Variants in HOXA3 observed in about 807,000 individuals in gnomAD.
The protein encoded by HOXA3 is homeobox A3.
HOXA3 carries 8 observed loss-of-function variants against 30.3 expected under a neutral mutation model. The observed-to-expected ratio is 0.26, with a 90% CI of 0.15 to 0.48. The LOEUF (loss-of-function observed/expected upper bound fraction) is 0.48. Among genes scored for constraint, HOXA3 ranks in the 20% least tolerant of loss-of-function variants. The probability of loss-of-function intolerance (pLI) is 0.99; values close to 1 mark genes in which losing one functional copy is unlikely to be tolerated. For synonymous variants in HOXA3, 323 were observed against 273.1 expected, an observed-to-expected ratio of 1.18 and a Z score of -1.80; for missense variants, 653 against 614.4, an observed-to-expected ratio of 1.06 and a Z score of -0.66.
At chr7:27,124,852 G>A (rs547889531) in intron 3 of HOXA3, among the ~76,000 whole-genome samples, 2 of 152,252 alleles carry the variant, frequency 1.3e-5, no homozygotes, top group South Asian at 4.2e-4. Context: ...CACCACCATG[G>A]AAATAGCAGG....
rs1488723579 is a variant in HOXA3, at chr7:27,107,998, G to A, written c.1249C>T (p.Pro417Ser). 6.2e-7 allele frequency: 1 copy of A among 1,611,800 alleles called. No individual in the cohort carries two copies. The highest frequency in any genetic ancestry group is 8.5e-7 in the Non-Finnish European group (1 of 1,178,514). The stretch of plus-strand genomic sequence containing the variant: ...GTAAGGTCCGTGTAGGTGGGGTGCG[G>A]CTCCCCAGGCCCCGGCCCGTGGTGG... ...GHHHGPGPGE[P>S]HPTYTDLTGH... Residue 417 changes from proline to serine, a missense_variant, in exon 6 of 6, where the codon CCG (proline) becomes TCG (serine). Physicochemically the swap from Pro to Ser is moderately conservative, Grantham distance 74 (BLOSUM62 -1). This residue lies in a region of HOXA3 where 330 missense variants were observed against 274.4 expected (regional missense o/e 1.20). Transcript: ENST00000612286.
intron 1 of HOXA3, chr7:27,141,113 C>CAAAAAAAAAAAAAA (rs147485948): frequency 4.6e-4 from 38 of 82,910 alleles, no homozygotes; most frequent in African/African-American, 1.1e-3. Context: ...AAAACAAATA[C>CAAAAAAAAAAAAAA]AAAAAAAAAA....
chr7:27,122,759 C>T (rs926856027), intron 3 of HOXA3, 117 bp from the exon 4 acceptor site: 2 of 152,312 alleles, frequency 1.3e-5, no homozygotes, highest in Admixed American at 1.3e-4. Flanking sequence ...GTGACGCGAA[C>T]ATCAGGGAGT....
In HOXA3 at chr7:27,108,785, C is replaced by T; in HGVS notation, c.527-65G>A. The T allele has an allele frequency of 7.8e-7, 1 of 1,289,284 alleles. No individual in the cohort carries two copies. The highest frequency in any genetic ancestry group is 1.1e-6 in the Non-Finnish European group (1 of 948,054). 79.9% of individuals were successfully genotyped at this position (1,289,284 alleles called of 1,614,324 possible). A position where few individuals can be genotyped will look rare whatever the true frequency, so the allele number is the denominator to read the frequency against. On this transcript the variant is annotated intron_variant, in intron 5 of 5. Coordinates refer to ENST00000612286, the MANE Select transcript of HOXA3 (RefSeq NM_153631.3). The surrounding 1 kb of genome is among the most constrained non-coding windows in gnomAD (Gnocchi z 5.0). ...CCGCGGCCCCGCCCAGCCCCTGACC[C>T]AGCCCGGCCCCTCCTTCCACCAGGC...
intron 1 of HOXA3, among the ~76,000 whole-genome samples, chr7:27,151,923 G>A (rs1782984577): frequency 6.6e-6 from 1 of 152,136 alleles, no homozygotes; most frequent in Non-Finnish European, 1.5e-5. Context: ...CAGTGTGCCG[G>A]GCCACTTCCT....
intron 1 of HOXA3, chr7:27,142,883 GAGGAGGA>G (rs947675406): frequency 4.5e-5 from 29 of 643,334 alleles, no homozygotes; most frequent in Middle Eastern, 4.5e-4. Context: ...TCGCAAAGAA[GAGGAGGA>G]AGGAGGAAGG....
intron 2 of HOXA3, chr7:27,130,946 G>A (rs1332726188): frequency 6.8e-6 from 4 of 586,442 alleles, no homozygotes; most frequent in African/African-American, 2.0e-5. Context: ...GCCCCGCCCC[G>A]TGCCCCACGT....
At position 27,107,955 on chromosome 7, in the gene HOXA3, T is replaced by C. The variant is rs1478285275; in HGVS notation, c.1292A>G (p.Gln431Arg). Residue 431 changes from glutamine (Q) to arginine (R), a missense_variant, in exon 6 of 6, where the codon CAG (glutamine) becomes CGG (arginine). Transcript: ENST00000612286. ...YTDLTGHHPSQGRIQEAPKLT... is the reference protein window; with the variant it reads ...YTDLTGHHPSRGRIQEAPKLT... ...CTTGGGTGCTTCCTGAATTCTTCCC[T>C]GAGAAGGATGGTGGCCGGTAAGGTC... is the stretch of plus-strand genomic sequence containing the variant. 1.3e-6 allele frequency: 2 copies of C among 1,593,428 alleles called. No homozygotes were observed. The highest frequency in any genetic ancestry group is 1.7e-6 in the Non-Finnish European group (2 of 1,164,834).
intron 3 of HOXA3, 65 bp from the exon 4 acceptor site, chr7:27,122,707 G>A (rs957764789): frequency 1.3e-5 from 2 of 152,270 alleles, no homozygotes; most frequent in Admixed American, 1.3e-4. Flanking sequence ...GAGGCCGGGA[G>A]TGGGAAGCGA....
intron 2 of HOXA3, among the ~76,000 whole-genome samples, chr7:27,136,672 G>C (rs1253514922): frequency 6.6e-6 from 1 of 152,230 alleles, no homozygotes; most frequent in Non-Finnish European, 1.5e-5. Flanking sequence ...GGCGATGACA[G>C]ACTTCACCTC....
At chr7:27,147,843 C>T in intron 1 of HOXA3, 1 of 1,169,452 alleles carries the variant, frequency 8.6e-7, no homozygotes. Context: ...TTCTGGATGG[C>T]CGAACGCCAA....
intron 4 of HOXA3, chr7:27,115,937 T>C (rs1784700595): frequency 6.5e-6 from 1 of 152,700 alleles, no homozygotes; most frequent in Non-Finnish European, 1.5e-5. Flanking sequence ...GGCGAGATTA[T>C]TTTAAAATAA....
At chr7:27,139,695 A>G (rs1233158703) in intron 2 of HOXA3, among the ~76,000 whole-genome samples, 1 of 151,212 alleles carries the variant, frequency 6.6e-6, no homozygotes, top group Non-Finnish European at 1.5e-5. Context: ...GGGCTCCGCG[A>G]CCCCCAGGAG....
At chr7:27,147,527 C>T (rs767920023) in intron 1 of HOXA3, 4 of 1,614,062 alleles carry the variant, frequency 2.5e-6, no homozygotes, top group Non-Finnish European at 3.4e-6. Context: ...CACGAGGCCC[C>T]GTACTCGTAG....
intron 4 of HOXA3, among the ~76,000 whole-genome samples, chr7:27,114,400 T>C (rs1207326836): frequency 6.6e-6 from 1 of 151,556 alleles, no homozygotes; most frequent in Non-Finnish European, 1.5e-5. Context: ...TTTCCCAGAC[T>C]TTGCCCAGTT....
intron 2 of HOXA3, chr7:27,130,242 T>C (rs906256490): frequency 1.6e-5 from 21 of 1,303,564 alleles, no homozygotes; most frequent in Non-Finnish European, 2.1e-5. Context: ...CCGGGACGCC[T>C]GGGGTGGCGG....
At chr7:27,120,132 G>C (rs1784931510) in intron 4 of HOXA3, among the ~76,000 whole-genome samples, 3 of 152,030 alleles carry the variant, frequency 2.0e-5, no homozygotes, top group Admixed American at 6.5e-5. Flanking sequence ...AAAGGGACCT[G>C]GAGGTATTGC....
intron 3 of HOXA3, among the ~76,000 whole-genome samples, chr7:27,126,386 T>A (rs1785284953): frequency 6.6e-6 from 1 of 151,700 alleles, no homozygotes; most frequent in African/African-American, 2.4e-5. Context: ...ATTATAGAGC[T>A]TACACAAAAT....
intron 2 of HOXA3, chr7:27,130,084 CCACCTCCCG>C: frequency 6.4e-7 from 1 of 1,567,522 alleles, no homozygotes; most frequent in East Asian, 2.3e-5. Flanking sequence ...CAGCCCCGGC[CCACCTCCCG>C]CGCCTCCCAA....
Sources: allele counts gnomAD v4.1 joint callset (sites outside exome capture counted in the v4.1 genomes callset), GRCh38; gene constraint gnomAD v4.1.1; regional missense constraint gnomAD v4.1.1; non-coding constraint Gnocchi (gnomAD v3.1); transcripts MANE v1.5; gene names NCBI Gene and HGNC (gene_info 2026-07-23, HGNC 2026-07-21).